The following FBXO21 variants were observed in gnomAD, a reference collection of about 807,000 sequenced individuals.
The protein encoded by FBXO21 is F-box only protein 21.
Under a neutral mutation model 76.6 loss-of-function variants are expected in FBXO21, and 32 were observed. The ratio of observed to expected loss-of-function variants is 0.42; its 90% CI spans 0.32 to 0.56. The LOEUF (loss-of-function observed/expected upper bound fraction) is 0.56. FBXO21 is among the 20% of genes least tolerant of loss of function. The pLI, the probability that FBXO21 is intolerant of heterozygous loss-of-function variation, is 0.16. For missense variants in FBXO21, 586 were observed against 797.3 expected, an observed-to-expected ratio of 0.73 and a Z score of 3.19; for synonymous variants, 328 against 311.5, an observed-to-expected ratio of 1.05 and a Z score of -0.56.
At chr12:117,176,725 G>A (rs940717741) in intron 4 of FBXO21, among the ~76,000 whole-genome samples, 3 of 152,064 alleles carry the variant, frequency 2.0e-5, no homozygotes, top group African/African-American at 7.2e-5. Flanking sequence ...GAGCACGGGA[G>A]TTTGAATCTA....
Position 117,170,550 on chromosome 12 carries a change from G to A in FBXO21, c.1013+1921C>T, listed in dbSNP as rs534767429. Among the ~76,000 whole-genome samples the A allele has an allele frequency of 3.9e-5, 6 of 152,316 alleles. No homozygotes were observed. The South Asian group carries it at 1.0e-3, about 26-fold the overall frequency. On this transcript the variant is annotated intron_variant, in intron 7 of 11. Coordinates refer to ENST00000622495, the MANE Select transcript of FBXO21 (RefSeq NM_015002.3). The stretch of plus-strand genomic sequence containing the variant: ...GGACAGAGAAAAGTGGCCAAAGGCA[G>A]AGAGAAGAGAAAAGGACAGAAAGGG...
rs1955722664 is a variant in FBXO21 at position 117,142,020 on chromosome 12, T to G, written c.*4067A>C. 1 of 152,230 alleles carries G rather than the reference T, an allele frequency of 6.6e-6. No individual in the cohort carries two copies. The highest frequency in any genetic ancestry group is 2.4e-5 in the African/African-American group (1 of 41,462). 9.4% of individuals were successfully genotyped at this position (152,230 alleles called of 1,614,324 possible). A position where few individuals can be genotyped will look rare whatever the true frequency, so the allele number is the denominator to read the frequency against. On this transcript the variant is annotated 3_prime_UTR_variant, in exon 12 of 12. Transcript: ENST00000622495. ...TTTTCGGGTCTATTTATTACAGAAC[T>G]AGCAGAGCCCTAATACAGTCATTGC...
At chr12:117,161,793 T>C (rs1183582541) in intron 9 of FBXO21, among the ~76,000 whole-genome samples, 1 of 152,074 alleles carries the variant, frequency 6.6e-6, no homozygotes, top group Non-Finnish European at 1.5e-5. Context: ...AGAAGACGTC[T>C]AGAAACCATC....
Position 117,174,652 on chromosome 12 carries a change from T to C in FBXO21, c.738A>G (p.Ala246=), listed in dbSNP as rs758368434. Residue 246 remains alanine (A), a splice_region_variant and synonymous_variant, in exon 5 of 12, where the codon GCA becomes GCG. Transcript: ENST00000622495. ...GCTGGATCCAAAGCAATGCCACACCTGCCTTGAAGGCCAAGCTGGGGTGGC... is the reference window on the plus strand; with the variant it reads ...GCTGGATCCAAAGCAATGCCACACCCGCCTTGAAGGCCAAGCTGGGGTGGC... ...NSRHPSLAFK[A]GESSMIMEIE... is the part of the protein sequence containing the mutation. 4.3e-6 allele frequency: 7 copies of C among 1,614,052 alleles called. No homozygotes were observed. The East Asian group carries it at 1.6e-4, about 36-fold the overall frequency.
intron 11 of FBXO21, among the ~76,000 whole-genome samples, chr12:117,151,275 T>G (rs1955839865): frequency 6.6e-6 from 1 of 151,986 alleles, no homozygotes; most frequent in African/African-American, 2.4e-5. Context: ...CATGAAAGTA[T>G]CAAAGCGCGC....
intron 6 of FBXO21, among the ~76,000 whole-genome samples, chr12:117,173,667 T>C (rs1018566516): frequency 4.6e-5 from 7 of 152,154 alleles, no homozygotes; most frequent in Admixed American, 2.0e-4. Flanking sequence ...CAGAGAAATA[T>C]CTATTTTTAG....
chr12:117,172,164 T>C (rs1308626871), intron 7 of FBXO21, among the ~76,000 whole-genome samples: 1 of 152,244 alleles, frequency 6.6e-6, no homozygotes, highest in Non-Finnish European at 1.5e-5. Flanking sequence ...AATCAGAGTC[T>C]TATTTTTTAA....
chr12:117,180,339 T>A (rs1956215298), intron 3 of FBXO21, among the ~76,000 whole-genome samples: 3 of 152,250 alleles, frequency 2.0e-5, no homozygotes. Context: ...AGTGTTGATG[T>A]GCACGTGTGT....
chr12:117,182,430 A>T (rs1177578852), intron 3 of FBXO21, among the ~76,000 whole-genome samples: 1 of 152,048 alleles, frequency 6.6e-6, no homozygotes, highest in Non-Finnish European at 1.5e-5. Context: ...TCAAGGTTAC[A>T]GTGAGCCATG....
At position 117,189,218 on chromosome 12, in the gene FBXO21, G is replaced by C. The variant is rs779332741; in HGVS notation, c.375+9C>G. ...GCCAAAGCTTAGAGCCACATCAACAGATCCTTACGTGCTCTGAAAAGAACC... is the reference window on the plus strand; with the variant it reads ...GCCAAAGCTTAGAGCCACATCAACACATCCTTACGTGCTCTGAAAAGAACC... On this transcript the variant is annotated intron_variant, in intron 2 of 11. Coordinates refer to ENST00000622495, the MANE Select transcript of FBXO21 (RefSeq NM_015002.3). 1 of 1,614,156 alleles carries C rather than the reference G, an allele frequency of 6.2e-7. No individual in the cohort carries two copies.
At chr12:117,171,286 A>G (rs1013083511) in intron 7 of FBXO21, among the ~76,000 whole-genome samples, 2 of 144,080 alleles carry the variant, frequency 1.4e-5, no homozygotes, top group Non-Finnish European at 1.5e-5. Flanking sequence ...TGAGTCCAGG[A>G]GATGGAGGAT....
At chr12:117,160,177 T>A (rs1466740122) in intron 9 of FBXO21, among the ~76,000 whole-genome samples, 1 of 152,148 alleles carries the variant, frequency 6.6e-6, no homozygotes, top group African/African-American at 2.4e-5. Flanking sequence ...AGTCCCTGAT[T>A]TAACTACTCA....
At chr12:117,173,283 G>A (rs905890304) in intron 6 of FBXO21, among the ~76,000 whole-genome samples, 8 of 152,054 alleles carry the variant, frequency 5.3e-5, no homozygotes, top group Non-Finnish European at 7.4e-5. Context: ...CGCCCACCTC[G>A]GCCTCCCAAA....
intron 10 of FBXO21, 76 bp from the exon 11 acceptor site, chr12:117,156,024 A>T: frequency 7.1e-7 from 1 of 1,403,424 alleles, no homozygotes; most frequent in South Asian, 1.2e-5. Context: ...GTGGCTTCTC[A>T]GCTCACATCC....
At position 117,186,457 on chromosome 12, in the gene FBXO21, C is replaced by G; in HGVS notation, c.470+20G>C. On this transcript the variant is annotated intron_variant, in intron 3 of 11. Coordinates refer to ENST00000622495, the MANE Select transcript of FBXO21 (RefSeq NM_015002.3). Reference sequence around the variant, plus strand: ...TGGACTTATTAAAGCAAACAAATCCCTGCTAAAGCTATGGCTTACCTTCCT... The same window carrying G: ...TGGACTTATTAAAGCAAACAAATCCGTGCTAAAGCTATGGCTTACCTTCCT... The G allele has an allele frequency of 6.5e-7, 1 of 1,535,486 alleles. No homozygotes were observed.
chr12:117,177,051 C>T (rs775064821), intron 4 of FBXO21, among the ~76,000 whole-genome samples: 2 of 152,192 alleles, frequency 1.3e-5, no homozygotes, highest in Non-Finnish European at 2.9e-5. Flanking sequence ...TCTTGCCTGT[C>T]CACTCAACTT....
At chr12:117,150,772 C>T (rs2135845907) in intron 11 of FBXO21, among the ~76,000 whole-genome samples, 1 of 152,126 alleles carries the variant, frequency 6.6e-6, no homozygotes, top group East Asian at 1.9e-4. Context: ...CCAAAGCATC[C>T]TCTGACATGT....
At chr12:117,184,535 C>T (rs578083468) in intron 3 of FBXO21, among the ~76,000 whole-genome samples, 2 of 152,262 alleles carry the variant, frequency 1.3e-5, no homozygotes, top group Admixed American at 6.5e-5. Flanking sequence ...CAGCAGATCA[C>T]GTGACATCAG....
intron 11 of FBXO21, among the ~76,000 whole-genome samples, chr12:117,151,001 TGTC>T (rs1955836102): frequency 8.3e-6 from 1 of 119,794 alleles, no homozygotes; most frequent in South Asian, 2.8e-4. Flanking sequence ...TGTGTGTGTG[TGTC>T]GGGCGGGGAG....
Sources: gnomAD v4.1 joint callset for allele counts (sites outside exome capture counted in the v4.1 genomes callset) on GRCh38, gnomAD v4.1.1 for gene constraint, MANE v1.5 for transcripts, NCBI Gene and HGNC (gene_info 2026-07-23, HGNC 2026-07-21) for gene names.